TRHDE: variants seen among roughly 807,000 people sequenced by gnomAD.
TRHDE encodes the protein thyrotropin releasing hormone degrading enzyme, also known as thyrotropin-releasing hormone-degrading ectoenzyme.
Under a neutral mutation model 125.7 loss-of-function variants are expected in TRHDE, and 72 were observed. The observed-to-expected ratio is 0.57, with a 90% CI of 0.47 to 0.70. TRHDE has a LOEUF of 0.70. Ranked by LOEUF, TRHDE falls within the 30% of genes least tolerant of loss-of-function variation. TRHDE has a pLI of 0.00. For missense variants in TRHDE, 1,110 were observed against 1,327.1 expected, an observed-to-expected ratio of 0.84 and a Z score of 2.54; for synonymous variants, 509 against 509.1, an observed-to-expected ratio of 1.00 and a Z score of 0.00.
rs150983951 is a variant in TRHDE at position 72,599,061 on chromosome 12, C to T, written c.2322-19830C>T. Among the ~76,000 whole-genome samples, 26 of 152,090 alleles carry T rather than the reference C, an allele frequency of 1.7e-4. No individual in the cohort carries two copies. The East Asian group carries it at 1.7e-3, about 10-fold the overall frequency. On this transcript the variant is annotated intron_variant, in intron 12 of 18. Transcript: ENST00000261180. ...TTCCATGTTGCTGGAAAGGACATGA[C>T]TTTATTTTTTATGGCTGCATAGTAT... is the stretch of plus-strand genomic sequence containing the variant.
chr12:72,598,812 G>T (rs888438889), intron 12 of TRHDE, among the ~76,000 whole-genome samples: 11 of 151,974 alleles, frequency 7.2e-5, no homozygotes, highest in Non-Finnish European at 1.3e-4. Flanking sequence ...GTTTGGTATA[G>T]AAATGATCCC....
intron 3 of TRHDE, among the ~76,000 whole-genome samples, chr12:72,450,446 T>C (rs996776043): frequency 2.6e-5 from 4 of 152,116 alleles, no homozygotes; most frequent in Non-Finnish European, 5.9e-5. Context: ...ATCCTTAACA[T>C]GTACAACATG....
intron 6 of TRHDE, among the ~76,000 whole-genome samples, chr12:72,525,629 G>A (rs765517355): frequency 1.3e-5 from 2 of 148,684 alleles, no homozygotes; most frequent in Non-Finnish European, 3.0e-5. Flanking sequence ...GTGTGTGTGT[G>A]TGTGTGAGAG....
intron 1 of TRHDE, among the ~76,000 whole-genome samples, chr12:72,285,671 C>T (rs1239554338): frequency 6.6e-6 from 1 of 151,954 alleles, no homozygotes. Context: ...CAGGCATGCG[C>T]TACCATGCCC....
At chr12:72,333,472 T>C (rs1869695056) in intron 2 of TRHDE, among the ~76,000 whole-genome samples, 1 of 152,170 alleles carries the variant, frequency 6.6e-6, no homozygotes, top group Non-Finnish European at 1.5e-5. Flanking sequence ...TGGGGAGATA[T>C]TGTGAAAAAT....
rs533793612 is a variant in TRHDE at position 72,521,994 on chromosome 12, G to A, written c.1723-20297G>A. Among the ~76,000 whole-genome samples, 4 of 152,284 alleles carry A rather than the reference G, an allele frequency of 2.6e-5. No homozygotes were observed. In the South Asian group the frequency reaches 6.2e-4, roughly 24 times the overall value. On this transcript the variant is annotated intron_variant, in intron 6 of 18. Transcript: ENST00000261180. ...CTGAAATAATAACCTCAGTTAACATGTATATAATACTATGTACCAGATACT... is the reference window on the plus strand; with the variant it reads ...CTGAAATAATAACCTCAGTTAACATATATATAATACTATGTACCAGATACT...
rs779630834 is a variant in TRHDE at position 72,663,705 on chromosome 12, A to T, written c.*510A>T. The T allele has an allele frequency of 6.6e-6, 1 of 152,554 alleles. No individual in the cohort carries two copies. Among genetic ancestry groups the T allele is most frequent in the East Asian group, 1.9e-4 (1 of 5,174 alleles). The allele number at this position is 152,554 out of a possible 1,614,324, so 9.5% of individuals were successfully genotyped here. A position where few individuals can be genotyped will look rare whatever the true frequency, so the allele number is the denominator to read the frequency against. ...AAGAAAAACTAAAAACAGAAATGAT[A>T]TTCTCAATTTTGGGCAATGTGAGAG... On this transcript the variant is annotated 3_prime_UTR_variant, in exon 19 of 19. Coordinates refer to ENST00000261180, the MANE Select transcript of TRHDE (RefSeq NM_013381.3).
intron 3 of TRHDE, among the ~76,000 whole-genome samples, chr12:72,415,230 G>A (rs1873681591): frequency 6.6e-6 from 1 of 151,996 alleles, no homozygotes. Context: ...TAGTTGTTAT[G>A]CATACATAAG....
chr12:72,214,887 G>A (rs538677128), intron 2 of TRHDE, among the ~76,000 whole-genome samples: 37 of 152,252 alleles, frequency 2.4e-4, no homozygotes, highest in African/African-American at 8.9e-4. Flanking sequence ...ATAGCAGCAA[G>A]GAGTCCTGAA....
At chr12:72,151,952 T>C (rs1487803731) in intron 2 of TRHDE, among the ~76,000 whole-genome samples, 2 of 151,766 alleles carry the variant, frequency 1.3e-5, no homozygotes, top group South Asian at 2.1e-4. Flanking sequence ...GGTAGCTTGA[T>C]GGGGATGGCA....
intron 7 of TRHDE, among the ~76,000 whole-genome samples, chr12:72,549,195 C>G (rs746155801): frequency 4.0e-5 from 6 of 151,786 alleles, no homozygotes; most frequent in Admixed American, 1.3e-4. Context: ...ATGACAGGCA[C>G]AAAGCCATAG....
chr12:72,397,446 C>A (rs878905787), intron 3 of TRHDE, among the ~76,000 whole-genome samples: 7 of 152,096 alleles, frequency 4.6e-5, no homozygotes, highest in African/African-American at 1.7e-4. Context: ...ACACAAGTCA[C>A]GCTACATGAG....
At chr12:72,299,608 T>G (rs1200251665) in intron 2 of TRHDE, among the ~76,000 whole-genome samples, 1 of 152,142 alleles carries the variant, frequency 6.6e-6, no homozygotes, top group Non-Finnish European at 1.5e-5. Flanking sequence ...ATAATTAAGA[T>G]CAAAGAGATA....
At chr12:72,271,870 C>T (rs769117947), upstream of TRHDE, 3 of 455,240 alleles carry the variant, frequency 6.6e-6, no homozygotes, top group African/African-American at 2.0e-5. Flanking sequence ...TTGTCATCTC[C>T]GGAGGGCAGA....
At chr12:72,355,157 C>A (rs1870758105) in intron 2 of TRHDE, among the ~76,000 whole-genome samples, 1 of 151,282 alleles carries the variant, frequency 6.6e-6, no homozygotes, top group African/African-American at 2.4e-5. Context: ...TGCTATTGTG[C>A]CAAGTATTCG....
At chr12:72,424,251 C>T (rs1028811861) in intron 3 of TRHDE, among the ~76,000 whole-genome samples, 3 of 152,148 alleles carry the variant, frequency 2.0e-5, no homozygotes, top group Non-Finnish European at 2.9e-5. Flanking sequence ...CGTTGCCACA[C>T]TCCAGTCTCT....
intron 2 of TRHDE, among the ~76,000 whole-genome samples, chr12:72,373,904 C>G (rs897180119): frequency 1.3e-5 from 2 of 152,134 alleles, no homozygotes; most frequent in African/African-American, 4.8e-5. Context: ...AAAACCTTGG[C>G]TTCTACTGTG....
At chr12:72,217,112 G>A (rs1270466998) in intron 2 of TRHDE, among the ~76,000 whole-genome samples, 1 of 151,866 alleles carries the variant, frequency 6.6e-6, no homozygotes, top group East Asian at 1.9e-4. Flanking sequence ...AATAGGAAGT[G>A]GATAATGTTT....
chr12:72,612,018 C>A (rs1194596180), intron 12 of TRHDE, among the ~76,000 whole-genome samples: 1 of 152,150 alleles, frequency 6.6e-6, no homozygotes, highest in African/African-American at 2.4e-5. Context: ...GCTCTGGTTA[C>A]CACTGACCTC....
Sources: gnomAD v4.1 joint callset for allele counts (sites outside exome capture counted in the v4.1 genomes callset) on GRCh38, gnomAD v4.1.1 for gene constraint, MANE v1.5 for transcripts, NCBI Gene and HGNC (gene_info 2026-07-23, HGNC 2026-07-21) for gene names.